The following GORAB variants were observed in gnomAD, a reference collection of about 807,000 sequenced individuals.
The protein encoded by GORAB is RAB6-interacting golgin.
GORAB carries 17 observed loss-of-function variants against 29.9 expected under a neutral mutation model. That is an observed-to-expected ratio of 0.57 (90% CI 0.39 to 0.85). GORAB has a LOEUF of 0.85. GORAB is among the 40% of genes least tolerant of loss of function. GORAB has a pLI of 0.00. For synonymous variants in GORAB, 183 were observed against 157.2 expected (o/e 1.16, Z -1.23); for missense variants, 442 against 437.8 (o/e 1.01, Z -0.09).
chr1:170,536,388 G>C (rs1376956574), intron 1 of GORAB: 1 of 152,122 alleles, frequency 6.6e-6, no homozygotes, highest in Non-Finnish European at 1.5e-5. Flanking sequence ...TCACCACCAA[G>C]GAGCAGAGAA....
chr1:170,552,295 G>A lies in GORAB; in HGVS notation c.943G>A (p.Glu315Lys). Residue 315 changes from glutamate to lysine, a missense_variant, in exon 5 of 5, where the codon GAG becomes AAG. Physicochemically the swap from Glu to Lys is moderately conservative, Grantham distance 56. Coordinates refer to ENST00000367763, the MANE Select transcript of GORAB (RefSeq NM_152281.3). Reference sequence around the variant, plus strand: ...TTTAGAGAGGCCATTTCAGCCTGCGGAGGAGAGTGTGACATTAGAATTTGC... The same window carrying A: ...TTTAGAGAGGCCATTTCAGCCTGCGAAGGAGAGTGTGACATTAGAATTTGC... ...VRLERPFQPA[E>K]ESVTLEFAKE... The A allele has an allele frequency of 1.2e-6, 2 of 1,614,168 alleles. No individual in the cohort carries two copies. The highest frequency in any genetic ancestry group is 1.7e-6 in the Non-Finnish European group (2 of 1,179,982).
At chr1:170,536,414 A>G (rs1392227974) in intron 1 of GORAB, 1 of 152,216 alleles carries the variant, frequency 6.6e-6, no homozygotes, top group Non-Finnish European at 1.5e-5. Context: ...AATCAAGAAT[A>G]CAGTGAGGTA....
chr1:170,539,259 A>C lies in GORAB; in HGVS notation c.111A>C (p.Gln37His), dbSNP rs1218188337. The change falls in exon 2 of 5, where the codon CAA becomes CAC. Residue 37 changes from glutamine (Q) to histidine (H), a missense_variant. Transcript: ENST00000367763. The part of the protein sequence containing the change: ...RRLPAKKSRQ[Q>H]LQREKALVEQ... ...TCCCCGCGAAGAAAAGTCGACAACA[A>C]CTTCAGCGAGAAAAAGCCCTTGTAG... is the stretch of plus-strand genomic sequence containing the variant. 1 of 1,614,144 alleles carries C rather than the reference A, an allele frequency of 6.2e-7. No homozygotes were observed. The highest frequency in any genetic ancestry group is 1.7e-5 in the Admixed American group (1 of 60,004).
chr1:170,543,616 A>G (rs1410263537), intron 3 of GORAB, among the ~76,000 whole-genome samples: 1 of 149,144 alleles, frequency 6.7e-6, no homozygotes, highest in African/African-American at 2.4e-5. Flanking sequence ...CAGCAGATAA[A>G]AGAGTAGTGC....
rs773084888 is a variant in GORAB at position 170,552,138 on chromosome 1, A to G, written c.786A>G (p.Arg262=). 1 of 1,614,152 alleles carries G rather than the reference A, an allele frequency of 6.2e-7. No individual in the cohort carries two copies. The highest frequency in any genetic ancestry group is 8.5e-7 in the Non-Finnish European group (1 of 1,179,978). Residue 262 remains arginine (R), a synonymous_variant, in exon 5 of 5, where the codon CGA becomes CGG. Transcript: ENST00000367763. ...LCTIIQQNEL[R]KAKKLEELMQ... is the part of the protein sequence containing the mutation. Reference sequence around the variant, plus strand: ...CGATCATACAGCAAAATGAGCTCCGAAAGGCCAAGAAGTTGGAGGAGTTGA... The same window carrying G: ...CGATCATACAGCAAAATGAGCTCCGGAAGGCCAAGAAGTTGGAGGAGTTGA...
Position 170,553,823 on chromosome 1 carries a change from A to G in GORAB, c.*1361A>G, listed in dbSNP as rs1650281007. The G allele has an allele frequency of 2.2e-6, 1 of 452,720 alleles. No individual in the cohort carries two copies. The highest frequency in any genetic ancestry group is 2.0e-5 in the African/African-American group (1 of 49,972). The allele number at this position is 452,720 out of a possible 1,614,324, so 28.0% of individuals were successfully genotyped here. A position where few individuals can be genotyped will look rare whatever the true frequency, so the allele number is the denominator to read the frequency against. ...ACACTTCTTTTTCTAAGGAATAAAC[A>G]AGTCTGATGTACTTATAGTGTCTTT... is the stretch of plus-strand genomic sequence containing the variant. On this transcript the variant is annotated 3_prime_UTR_variant, in exon 5 of 5. Transcript: ENST00000367763.
Position 170,552,443 on chromosome 1 carries a change from C to T in GORAB, c.1091C>T (p.Ser364Leu), listed in dbSNP as rs386352310. The T allele has an allele frequency of 6.2e-7, 1 of 1,613,790 alleles. No individual in the cohort carries two copies. The highest frequency in any genetic ancestry group is 1.7e-5 in the Admixed American group (1 of 60,026). The change falls in exon 5 of 5, where the codon TCA (serine) becomes TTA (leucine). Residue 364 changes from serine to leucine, a missense_variant. Physicochemically the swap from Ser to Leu is moderately radical, Grantham distance 145 (BLOSUM62 -2). Transcript: ENST00000367763. The stretch of plus-strand genomic sequence containing the variant: ...CCAAATCAAGAAGGTAATGACATTT[C>T]AGCTGCTTTGGCCACATGAAGTTCT... ...NCPNQEGNDI[S>L]AALAT
intron 2 of GORAB, among the ~76,000 whole-genome samples, chr1:170,542,266 C>A (rs1396071729): frequency 6.6e-6 from 1 of 152,102 alleles, no homozygotes; most frequent in Non-Finnish European, 1.5e-5. Flanking sequence ...TTCAGAGGTC[C>A]AATTTATGTA....
chr1:170,542,262 G>A (rs1490531406), intron 2 of GORAB, among the ~76,000 whole-genome samples: 3 of 152,102 alleles, frequency 2.0e-5, no homozygotes, highest in Non-Finnish European at 2.9e-5. Flanking sequence ...GGATTTCAGA[G>A]GTCCAATTTA....
At position 170,552,438 on chromosome 1, in the gene GORAB, C is replaced by T; in HGVS notation, c.1086C>T (p.Asp362=). 6.2e-7 allele frequency: 1 copy of T among 1,613,868 alleles called. No homozygotes were observed. The highest frequency in any genetic ancestry group is 8.5e-7 in the Non-Finnish European group (1 of 1,179,882). Residue 362 remains aspartate, a synonymous_variant, in exon 5 of 5, where the codon GAC becomes GAT. Transcript: ENST00000367763. The stretch of plus-strand genomic sequence containing the variant: ...ACTGCCCAAATCAAGAAGGTAATGA[C>T]ATTTCAGCTGCTTTGGCCACATGAA... ...SPNCPNQEGN[D]ISAALAT
chr1:170,546,347 G>C (rs931429366), intron 4 of GORAB, among the ~76,000 whole-genome samples: 14 of 151,528 alleles, frequency 9.2e-5, no homozygotes. Context: ...CCAAGATTGC[G>C]CCACTGCACT....
At chr1:170,549,854 C>T (rs904996524) in intron 4 of GORAB, among the ~76,000 whole-genome samples, 1 of 152,070 alleles carries the variant, frequency 6.6e-6, no homozygotes, top group African/African-American at 2.4e-5. Flanking sequence ...CTAAATTTTC[C>T]ATAATCTTAA....
chr1:170,544,761 A>T lies in GORAB; in HGVS notation c.578A>T (p.Gln193Leu). 3.7e-6 allele frequency: 6 copies of T among 1,613,962 alleles called. No individual in the cohort carries two copies. The highest frequency in any genetic ancestry group is 5.1e-6 in the Non-Finnish European group (6 of 1,179,810). ...CTAAAGCGGATCCAGAAGGAGTTGCAGGCTTTAGATGACATGGTGTCAGCT... is the reference window on the plus strand; with the variant it reads ...CTAAAGCGGATCCAGAAGGAGTTGCTGGCTTTAGATGACATGGTGTCAGCT... Reference protein sequence around the residue: ...MKLKRIQKELQALDDMVSADI... With the variant: ...MKLKRIQKELLALDDMVSADI... The change falls in exon 4 of 5, where the codon CAG (glutamine) becomes CTG (leucine). Residue 193 changes from glutamine to leucine, a missense_variant. Physicochemically the swap from Gln to Leu is moderately radical, Grantham distance 113. Coordinates refer to ENST00000367763, the MANE Select transcript of GORAB (RefSeq NM_152281.3).
intron 4 of GORAB, among the ~76,000 whole-genome samples, chr1:170,546,898 T>C (rs1257295771): frequency 6.6e-6 from 1 of 152,146 alleles, no homozygotes; most frequent in African/African-American, 2.4e-5. Flanking sequence ...TTGGCCAGGC[T>C]GGTCTCCAAC....
intron 4 of GORAB, among the ~76,000 whole-genome samples, chr1:170,550,901 A>G (rs906707110): frequency 6.6e-6 from 1 of 152,228 alleles, no homozygotes; most frequent in Non-Finnish European, 1.5e-5. Flanking sequence ...AAGGCAAAAG[A>G]CAATAAATTA....
At chr1:170,532,966 T>C (rs1422564837) in intron 1 of GORAB, among the ~76,000 whole-genome samples, 5 of 152,210 alleles carry the variant, frequency 3.3e-5, no homozygotes, top group Non-Finnish European at 7.3e-5. Context: ...TGAATGGGCT[T>C]GTACAATTTT....
chr1:170,539,506 A>C lies in GORAB; in HGVS notation c.358A>C (p.Asn120His). ...LGLENSHDGH[N>H]NVEILPPKPD... ...ACTTGAGAATTCCCATGATGGTCAC[A>C]ACAATGTTGAGATTCTACCTCCAAA... Residue 120 changes from asparagine to histidine, a missense_variant, in exon 2 of 5, where the codon AAC (asparagine) becomes CAC (histidine). Asn to His is a moderately conservative substitution (Grantham distance 68, BLOSUM62 1). Coordinates refer to ENST00000367763, the MANE Select transcript of GORAB (RefSeq NM_152281.3). The C allele has an allele frequency of 6.2e-7, 1 of 1,614,128 alleles. No homozygotes were observed. Among genetic ancestry groups the C allele is most frequent in the Non-Finnish European group, 8.5e-7 (1 of 1,180,006 alleles).
chr1:170,539,186 T>C (rs1287161170), intron 1 of GORAB, 24 bp from the exon 2 acceptor site: 1 of 1,613,726 alleles, frequency 6.2e-7, no homozygotes, highest in Admixed American at 1.7e-5. Context: ...ACAAAGGAAT[T>C]TTCCTCTATT....
rs568797535 is a variant in GORAB, at chr1:170,552,901, G to T, written c.*439G>T. On this transcript the variant is annotated 3_prime_UTR_variant, in exon 5 of 5. Transcript: ENST00000367763. ...TATCAGTAAAAAGACAAAAATTACA[G>T]TGTGAACAAGAGAAAAACAGGAATA... 1.0e-4 allele frequency: 45 copies of T among 451,900 alleles called. No individual in the cohort carries two copies. Among genetic ancestry groups the T allele is most frequent in the South Asian group, 6.9e-4 (44 of 63,612 alleles). The allele number at this position is 451,900 out of a possible 1,614,324, so 28.0% of individuals were successfully genotyped here.
Sources: allele counts gnomAD v4.1 joint callset (sites outside exome capture counted in the v4.1 genomes callset), GRCh38; gene constraint gnomAD v4.1.1; transcripts MANE v1.5; gene names NCBI Gene and HGNC (gene_info 2026-07-23, HGNC 2026-07-21).